Variants in SLC41A2 observed in about 807,000 individuals in gnomAD.
SLC41A2 encodes the protein SLC41A1-like 1.
Under a neutral mutation model 58.3 loss-of-function variants are expected in SLC41A2, and 32 were observed. That is an observed-to-expected ratio of 0.55 (90% CI 0.41 to 0.74). The LOEUF (loss-of-function observed/expected upper bound fraction) is 0.74. Among genes scored for constraint, SLC41A2 ranks in the 30% least tolerant of loss-of-function variants. The pLI is 0.00. For synonymous variants in SLC41A2, 190 were observed against 235.0 expected, an observed-to-expected ratio of 0.81 and a Z score of 1.75; for missense variants, 514 against 680.6, an observed-to-expected ratio of 0.76 and a Z score of 2.72.
chr12:104,938,974 A>T (rs2047391921), intron 1 of SLC41A2, among the ~76,000 whole-genome samples: 1 of 152,230 alleles, frequency 6.6e-6, no homozygotes, highest in African/African-American at 2.4e-5. Flanking sequence ...GTTAAAAACA[A>T]TCTTTTCCTA....
chr12:104,841,855 A>G (rs1327887015), intron 10 of SLC41A2, among the ~76,000 whole-genome samples: 1 of 152,118 alleles, frequency 6.6e-6, no homozygotes. Context: ...CCACTATATC[A>G]TGTCCTGTGG....
intron 1 of SLC41A2, among the ~76,000 whole-genome samples, chr12:104,944,321 G>A (rs1466175264): frequency 6.6e-6 from 1 of 152,174 alleles, no homozygotes; most frequent in Non-Finnish European, 1.5e-5. Context: ...TCTTCCTCAG[G>A]TGGTGGCCTA....
rs78295661 is a variant in SLC41A2 at position 104,889,547 on chromosome 12, T to C, written c.736-370A>G. On this transcript the variant is annotated intron_variant, in intron 4 of 10. Coordinates refer to ENST00000258538, the MANE Select transcript of SLC41A2 (RefSeq NM_001352171.3). Reference sequence around the variant, plus strand: ...GAGGTAGTGCTGGCAAGAGATTGGATTTTATAATAGAAAGATAGGAGTTTG... The same window carrying C: ...GAGGTAGTGCTGGCAAGAGATTGGACTTTATAATAGAAAGATAGGAGTTTG... Among the ~76,000 whole-genome samples the C allele has an allele frequency of 7.1e-3, 1,086 of 152,298 alleles. 19 individuals are homozygous for C. The highest frequency in any genetic ancestry group is 0.024 in the African/African-American group (981 of 41,554).
At chr12:104,923,294 G>A (rs11112239) in intron 2 of SLC41A2, among the ~76,000 whole-genome samples, 12,010 of 147,662 alleles carry the variant, frequency 0.081, 568 homozygotes, top group Middle Eastern at 0.11. Flanking sequence ...TCCAGGAGGC[G>A]GAGCTTGAAG....
chr12:104,815,155 ATC>A (rs758418517), intron 10 of SLC41A2, among the ~76,000 whole-genome samples: 4 of 152,230 alleles, frequency 2.6e-5, no homozygotes, highest in Non-Finnish European at 5.9e-5. Flanking sequence ...AGCAAAAGAT[ATC>A]TGTTTCCTTG....
chr12:104,876,027 G>A (rs1017184195), intron 6 of SLC41A2, among the ~76,000 whole-genome samples: 1 of 152,082 alleles, frequency 6.6e-6, no homozygotes, highest in Non-Finnish European at 1.5e-5. Context: ...GCAGGTATAT[G>A]TTTCTAAGAA....
intron 6 of SLC41A2, among the ~76,000 whole-genome samples, chr12:104,881,274 A>G (rs2044355806): frequency 6.6e-6 from 1 of 152,028 alleles, no homozygotes; most frequent in East Asian, 1.9e-4. Context: ...CAGCTCCTGG[A>G]TTCATTGATT....
At chr12:104,953,962 A>G (rs774651989) in intron 1 of SLC41A2, among the ~76,000 whole-genome samples, 25 of 152,212 alleles carry the variant, frequency 1.6e-4, no homozygotes, top group Non-Finnish European at 3.2e-4. Context: ...TTTCCTATTT[A>G]GACATTTTTC....
intron 1 of SLC41A2, among the ~76,000 whole-genome samples, chr12:104,956,370 A>T (rs1450355479): frequency 6.6e-6 from 1 of 152,168 alleles, no homozygotes; most frequent in Non-Finnish European, 1.5e-5. Context: ...ATGAACAATA[A>T]AACTCAATAA....
intron 6 of SLC41A2, among the ~76,000 whole-genome samples, chr12:104,871,956 A>G (rs1346061987): frequency 1.3e-5 from 2 of 152,216 alleles, no homozygotes; most frequent in Admixed American, 1.3e-4. Context: ...GTGTTATAGG[A>G]ATTCAGAGGA....
intron 2 of SLC41A2, among the ~76,000 whole-genome samples, chr12:104,925,807 A>C (rs2046814098): frequency 6.6e-6 from 1 of 152,198 alleles, no homozygotes; most frequent in Non-Finnish European, 1.5e-5. Context: ...TTACCATTCT[A>C]TAGTTAAATA....
At chr12:104,909,494 T>C (rs79587681) in intron 3 of SLC41A2, among the ~76,000 whole-genome samples, 161 bp downstream of exon 3, 2,213 of 152,256 alleles carry the variant, frequency 0.015, 69 homozygotes, top group African/African-American at 0.05. Context: ...AATTATCAGA[T>C]GAGACAATAT....
At chr12:104,888,943 C>A in intron 5 of SLC41A2, 90 bp downstream of exon 5, 2 of 1,272,760 alleles carry the variant, frequency 1.6e-6, no homozygotes, top group Non-Finnish European at 2.1e-6. Context: ...GTTTTCATAA[C>A]AGGTATCATT....
intron 7 of SLC41A2, among the ~76,000 whole-genome samples, chr12:104,861,646 T>C (rs887866943): frequency 7.2e-5 from 11 of 152,192 alleles, no homozygotes; most frequent in Non-Finnish European, 1.5e-4. Context: ...CATTAAAATG[T>C]CTTGAACAGT....
At chr12:104,928,958 T>C (rs2046954474) in intron 1 of SLC41A2, among the ~76,000 whole-genome samples, 1 of 152,216 alleles carries the variant, frequency 6.6e-6, no homozygotes, top group Admixed American at 6.5e-5. Context: ...GTGATCAATA[T>C]CCACGTAAGG....
At chr12:104,927,741 G>A (rs978073478) in intron 2 of SLC41A2, among the ~76,000 whole-genome samples, 1 of 152,060 alleles carries the variant, frequency 6.6e-6, no homozygotes, top group Non-Finnish European at 1.5e-5. Flanking sequence ...GGTCTGTAGA[G>A]AAGAGTTACT....
At chr12:104,955,358 C>T (rs1221700121) in intron 1 of SLC41A2, among the ~76,000 whole-genome samples, 1 of 152,092 alleles carries the variant, frequency 6.6e-6, no homozygotes, top group Non-Finnish European at 1.5e-5. Flanking sequence ...ATTACCCTCA[C>T]AACCTGATTA....
intron 10 of SLC41A2, among the ~76,000 whole-genome samples, chr12:104,834,349 T>C (rs939943279): frequency 3.9e-5 from 6 of 152,198 alleles, no homozygotes; most frequent in African/African-American, 1.4e-4. Flanking sequence ...GGTAAGCATA[T>C]TGATCAACTC....
intron 10 of SLC41A2, among the ~76,000 whole-genome samples, chr12:104,831,615 A>G (rs1202912742): frequency 6.6e-6 from 1 of 152,206 alleles, no homozygotes; most frequent in African/African-American, 2.4e-5. Flanking sequence ...ATGTAATTTT[A>G]CATTTAAAAA....
Sources: gnomAD v4.1 joint callset for allele counts (sites outside exome capture counted in the v4.1 genomes callset) on GRCh38, gnomAD v4.1.1 for gene constraint, MANE v1.5 for transcripts, NCBI Gene and HGNC (gene_info 2026-07-23, HGNC 2026-07-21) for gene names.